The following C12orf56 variants were observed in gnomAD, a reference collection of about 807,000 sequenced individuals.
C12orf56 encodes the protein chromosome 12 open reading frame 56.
Under a neutral mutation model 69.9 loss-of-function variants are expected in C12orf56, and 71 were observed. The ratio of observed to expected loss-of-function variants is 1.02; its 90% CI spans 0.84 to 1.24. The LOEUF is 1.24. C12orf56 is among the 50% of genes most tolerant of loss of function. The pLI is 0.00. For missense variants in C12orf56, 732 were observed against 738.5 expected, an observed-to-expected ratio of 0.99 and a Z score of 0.10; for synonymous variants, 276 against 274.1, an observed-to-expected ratio of 1.01 and a Z score of -0.07.
At chr12:64,346,541 T>A (rs2039145211) in intron 2 of C12orf56, among the ~76,000 whole-genome samples, 1 of 152,150 alleles carries the variant, frequency 6.6e-6, no homozygotes, top group Admixed American at 6.5e-5. Flanking sequence ...CATTTAAAAA[T>A]TTTTATGGAG....
In C12orf56 at chr12:64,280,101, C is replaced by A. The variant is rs1454216860; in HGVS notation, c.1311-2298G>T. 3.9e-5 allele frequency among the ~76,000 whole-genome samples: 6 copies of A among 152,092 alleles called. No homozygotes were observed. In the East Asian group the frequency reaches 1.2e-3, roughly 29 times the overall value. On this transcript the variant is annotated intron_variant, in intron 8 of 12. Transcript: ENST00000543942. The stretch of plus-strand genomic sequence containing the variant: ...GCAAAGTATGTTGAACTAATGAAAT[C>A]TCCACTCATGAAAACAATAAAGAGG...
chr12:64,363,967 G>A (rs1024691772), intron 1 of C12orf56, among the ~76,000 whole-genome samples: 1 of 150,958 alleles, frequency 6.6e-6, no homozygotes, highest in Admixed American at 6.6e-5. Flanking sequence ...TGCTGTCTTC[G>A]TTTGCTGTAT....
chr12:64,276,001 A>AC (rs57825864), intron 9 of C12orf56, among the ~76,000 whole-genome samples: 60,708 of 144,250 alleles, frequency 0.42, 12,659 homozygotes, highest in Middle Eastern at 0.53. Flanking sequence ...AGAAATACAC[A>AC]CCCCCCCCCG....
chr12:64,276,501 AGCTAAT>A (rs1267455478), intron 9 of C12orf56, among the ~76,000 whole-genome samples: 12 of 152,160 alleles, frequency 7.9e-5, no homozygotes, highest in African/African-American at 2.7e-4. Context: ...ACTCTTTAAT[AGCTAAT>A]CCACCATTGA....
chr12:64,284,323 T>C (rs1269961725), intron 8 of C12orf56, among the ~76,000 whole-genome samples: 1 of 152,220 alleles, frequency 6.6e-6, no homozygotes, highest in African/African-American at 2.4e-5. Context: ...AGTTTTTCTG[T>C]TGTGTGGATA....
rs188350445 is a variant in C12orf56, at chr12:64,303,372, G to A, written c.1113+263C>T. The stretch of plus-strand genomic sequence containing the variant: ...AAAATGTTCCTCCTAACATCTCTCC[G>A]TTGGCTCTGCCAACCCAATGCATGG... On this transcript the variant is annotated intron_variant, in intron 6 of 12. Transcript: ENST00000543942. Among the ~76,000 whole-genome samples the A allele has an allele frequency of 1.5e-3, 230 of 149,308 alleles. 1 individual carries two copies. Among genetic ancestry groups the A allele is most frequent in the African/African-American group, 4.7e-3 (189 of 40,600 alleles).
chr12:64,351,298 C>G (rs1311304556), intron 2 of C12orf56, among the ~76,000 whole-genome samples: 1 of 152,188 alleles, frequency 6.6e-6, no homozygotes, highest in African/African-American at 2.4e-5. Flanking sequence ...CCTTAGCAAT[C>G]AGCTTATGAT....
chr12:64,386,565 T>A (rs1319959156), intron 1 of C12orf56, among the ~76,000 whole-genome samples: 2 of 151,998 alleles, frequency 1.3e-5, no homozygotes, highest in Non-Finnish European at 2.9e-5. Flanking sequence ...CTTGGCTGAT[T>A]TTGTATTTTT....
At chr12:64,315,322 T>C (rs1335730506) in intron 4 of C12orf56, among the ~76,000 whole-genome samples, 3 of 138,576 alleles carry the variant, frequency 2.2e-5, no homozygotes, top group African/African-American at 8.2e-5. Context: ...TTTTTTTTTT[T>C]TAAAGCAGCC....
intron 6 of C12orf56, among the ~76,000 whole-genome samples, chr12:64,302,721 A>G (rs932325798): frequency 6.6e-6 from 1 of 152,154 alleles, no homozygotes; most frequent in Non-Finnish European, 1.5e-5. Flanking sequence ...TCTGTAATTT[A>G]CTGAGTGAGA....
chr12:64,362,276 C>T (rs1220102889), intron 1 of C12orf56, among the ~76,000 whole-genome samples: 2 of 152,100 alleles, frequency 1.3e-5, no homozygotes, highest in Non-Finnish European at 2.9e-5. Flanking sequence ...CTAAGACTTG[C>T]TTTGGAAGGA....
intron 2 of C12orf56, among the ~76,000 whole-genome samples, chr12:64,343,878 T>A (rs1406499669): frequency 6.6e-6 from 1 of 152,136 alleles, no homozygotes; most frequent in East Asian, 1.9e-4. Context: ...GCCCTCAATC[T>A]ACCAGCCAAT....
intron 5 of C12orf56, among the ~76,000 whole-genome samples, chr12:64,310,076 G>A (rs760521122): frequency 2.0e-5 from 3 of 151,150 alleles, no homozygotes; most frequent in South Asian, 2.1e-4. Flanking sequence ...GGAGTGCGGC[G>A]GTGCAATCGC....
At chr12:64,284,208 T>G (rs1022269125) in intron 8 of C12orf56, among the ~76,000 whole-genome samples, 1 of 152,072 alleles carries the variant, frequency 6.6e-6, no homozygotes, top group African/African-American at 2.4e-5. Context: ...TAGAGTGTCT[T>G]TATTACAGCA....
chr12:64,330,819 C>A, intron 3 of C12orf56, 141 bp downstream of exon 3: 3 of 606,474 alleles, frequency 4.9e-6, no homozygotes, highest in Non-Finnish European at 8.2e-6. Context: ...CTCAAAAATA[C>A]TTTCTTCCTT....
At chr12:64,347,805 A>T (rs946154320) in intron 2 of C12orf56, among the ~76,000 whole-genome samples, 1 of 152,248 alleles carries the variant, frequency 6.6e-6, no homozygotes, top group Non-Finnish European at 1.5e-5. Flanking sequence ...AAATAAAAAC[A>T]GTCTTAAAGA....
At chr12:64,380,267 C>A (rs2039702984) in intron 1 of C12orf56, among the ~76,000 whole-genome samples, 1 of 152,096 alleles carries the variant, frequency 6.6e-6, no homozygotes, top group Non-Finnish European at 1.5e-5. Context: ...GGCTCTGCCA[C>A]CCACTGCCTG....
intron 6 of C12orf56, among the ~76,000 whole-genome samples, chr12:64,293,936 T>C (rs1017286964): frequency 1.3e-5 from 2 of 152,336 alleles, no homozygotes; most frequent in Middle Eastern, 3.4e-3. Context: ...TTGATTGAAG[T>C]AGTGTTAATA....
chr12:64,320,801 G>T (rs544015454), intron 3 of C12orf56, among the ~76,000 whole-genome samples: 17 of 152,310 alleles, frequency 1.1e-4, no homozygotes, highest in African/African-American at 4.1e-4. Flanking sequence ...GGAGTCCCTT[G>T]TGCTTAGTAC....
Sources: allele counts gnomAD v4.1 joint callset (sites outside exome capture counted in the v4.1 genomes callset), GRCh38; gene constraint gnomAD v4.1.1; transcripts MANE v1.5; gene names NCBI Gene and HGNC (gene_info 2026-07-23, HGNC 2026-07-21).